SLC22A24: variants seen among roughly 807,000 people sequenced by gnomAD.
SLC22A24 encodes steroid transmembrane transporter SLC22A24.
Under a neutral mutation model 49.8 loss-of-function variants are expected in SLC22A24, and 53 were observed. The observed-to-expected ratio is 1.06, with a 90% CI of 0.85 to 1.34. SLC22A24 has a LOEUF of 1.34. Among genes scored for constraint, SLC22A24 ranks in the 40% most tolerant of loss-of-function variants. The pLI, the probability that SLC22A24 is intolerant of heterozygous loss-of-function variation, is 0.00. For synonymous variants in SLC22A24, 302 were observed against 256.4 expected (o/e 1.18, Z -1.70); for missense variants, 786 against 675.9 (o/e 1.16, Z -1.81).
At chr11:63,113,264 G>T (rs1273215442) in intron 4 of SLC22A24, among the ~76,000 whole-genome samples, 1 of 142,070 alleles carries the variant, frequency 7.0e-6, no homozygotes, top group Non-Finnish European at 1.5e-5. Flanking sequence ...ACACACACAC[G>T]TATAGTTACA....
intron 2 of SLC22A24, among the ~76,000 whole-genome samples, chr11:63,129,704 G>A (rs2134676750): frequency 6.6e-6 from 1 of 152,292 alleles, no homozygotes; most frequent in Non-Finnish European, 1.5e-5. Context: ...TCCCTTGTAA[G>A]TTGGATTCCT....
chr11:63,119,393 T>C (rs2087235969), intron 2 of SLC22A24, 58 bp from the exon 3 acceptor site: 2 of 1,424,826 alleles, frequency 1.4e-6, no homozygotes, highest in Admixed American at 2.8e-5. Flanking sequence ...CGTGGAAAAC[T>C]TGACAAACAA....
chr11:63,133,958 T>A (rs1260810549), intron 2 of SLC22A24, among the ~76,000 whole-genome samples: 3 of 152,236 alleles, frequency 2.0e-5, no homozygotes, highest in Non-Finnish European at 4.4e-5. Context: ...TCTAGGTTCT[T>A]AATTTATTTA....
chr11:63,122,414 T>C (rs1392380296), intron 2 of SLC22A24, among the ~76,000 whole-genome samples: 4 of 152,186 alleles, frequency 2.6e-5, no homozygotes, highest in Non-Finnish European at 4.4e-5. Flanking sequence ...TGGTAACTGT[T>C]TAAGATTTTG....
chr11:63,116,516 A>G (rs1022268513), intron 4 of SLC22A24, among the ~76,000 whole-genome samples: 3 of 151,732 alleles, frequency 2.0e-5, no homozygotes, highest in African/African-American at 7.3e-5. Context: ...TTTTCTTTTG[A>G]TGGTTTTAAA....
chr11:63,122,084 C>T (rs1325062216), intron 2 of SLC22A24, among the ~76,000 whole-genome samples: 1 of 152,106 alleles, frequency 6.6e-6, no homozygotes, highest in African/African-American at 2.4e-5. Context: ...GAATCATTTT[C>T]ATTCATTAAA....
chr11:63,112,118 A>G (rs2087169939), intron 4 of SLC22A24, among the ~76,000 whole-genome samples: 1 of 152,130 alleles, frequency 6.6e-6, no homozygotes, highest in Non-Finnish European at 1.5e-5. Flanking sequence ...CCCAGTAGTC[A>G]TTCAGGAGCA....
intron 4 of SLC22A24, chr11:63,116,442 C>G (rs532622501): frequency 1.5e-4 from 24 of 157,828 alleles, no homozygotes; most frequent in Admixed American, 4.5e-4. Flanking sequence ...CTTGCAGACT[C>G]TGTTTTCTGT....
chr11:63,099,038 A>T (rs1233734794), intron 5 of SLC22A24, among the ~76,000 whole-genome samples: 1 of 152,186 alleles, frequency 6.6e-6, no homozygotes, highest in Non-Finnish European at 1.5e-5. Flanking sequence ...TCCTAGTCAC[A>T]TGCAACTTAT....
rs530187299 is a variant in SLC22A24, at chr11:63,121,785, C to T, written c.507-2450G>A. ...GTATATCTCCTAATGCTATCCCTCC[C>T]GACTCCCCGCCACCCCACAACAGTC... On this transcript the variant is annotated intron_variant, in intron 2 of 9. Coordinates refer to ENST00000612278, the MANE Select transcript of SLC22A24 (RefSeq NM_001136506.2). 7.2e-5 allele frequency among the ~76,000 whole-genome samples: 11 copies of T among 152,146 alleles called. No individual in the cohort carries two copies. The East Asian group carries it at 1.7e-3, about 24-fold the overall frequency.
chr11:63,113,337 T>A (rs1036271855), intron 4 of SLC22A24, among the ~76,000 whole-genome samples: 3 of 151,588 alleles, frequency 2.0e-5, no homozygotes, highest in Admixed American at 2.0e-4. Context: ...TGATGCAGTT[T>A]CTTCATAGCA....
At chr11:63,083,080 C>A (rs1004169121) in intron 7 of SLC22A24, among the ~76,000 whole-genome samples, 163 bp downstream of exon 7, 5 of 152,160 alleles carry the variant, frequency 3.3e-5, no homozygotes, top group African/African-American at 7.2e-5. Context: ...GTGCTGAAAA[C>A]AACATATTGT....
chr11:63,132,652 CT>C (rs2087345056), intron 2 of SLC22A24, among the ~76,000 whole-genome samples: 1 of 152,154 alleles, frequency 6.6e-6, no homozygotes, highest in Admixed American at 6.6e-5. Flanking sequence ...GCAAATATTG[CT>C]GCCTGATCCC....
At chr11:63,131,166 G>A (rs186408057) in intron 2 of SLC22A24, among the ~76,000 whole-genome samples, 4 of 151,910 alleles carry the variant, frequency 2.6e-5, no homozygotes, top group East Asian at 1.9e-4. Flanking sequence ...GCCTATACAC[G>A]TCTTTGTATG....
intron 2 of SLC22A24, 74 bp from the exon 3 acceptor site, chr11:63,119,409 C>T (rs2087236131): frequency 7.5e-7 from 1 of 1,340,894 alleles, no homozygotes; most frequent in East Asian, 2.5e-5. Context: ...AACAATGGCG[C>T]ATCTTGAAAT....
intron 2 of SLC22A24, among the ~76,000 whole-genome samples, chr11:63,131,710 AT>A: frequency 6.6e-6 from 1 of 151,968 alleles, no homozygotes; most frequent in Non-Finnish European, 1.5e-5. Flanking sequence ...TGCCCTTAAT[AT>A]TTTTTGTCTT....
At chr11:63,082,345 G>T (rs942824564) in intron 7 of SLC22A24, among the ~76,000 whole-genome samples, 1 of 152,092 alleles carries the variant, frequency 6.6e-6, no homozygotes, top group Non-Finnish European at 1.5e-5. Context: ...AATTCAAAAA[G>T]GTACTTTTTC....
intron 4 of SLC22A24, among the ~76,000 whole-genome samples, chr11:63,104,790 T>A (rs1349982927): frequency 6.6e-6 from 1 of 152,082 alleles, no homozygotes; most frequent in African/African-American, 2.4e-5. Flanking sequence ...CTAAACCAGA[T>A]CATTCTGCCC....
chr11:63,100,250 A>G (rs1423788362), intron 5 of SLC22A24, among the ~76,000 whole-genome samples: 11 of 152,324 alleles, frequency 7.2e-5, no homozygotes, highest in Non-Finnish European at 4.4e-5. Flanking sequence ...AACATAAAAA[A>G]TAAGTGGCAT....
Sources: allele counts gnomAD v4.1 joint callset (sites outside exome capture counted in the v4.1 genomes callset), GRCh38; gene constraint gnomAD v4.1.1; transcripts MANE v1.5; gene names NCBI Gene and HGNC (gene_info 2026-07-23, HGNC 2026-07-21).